The following LRCH3 variants were observed in gnomAD, a reference collection of about 807,000 sequenced individuals.
LRCH3 encodes leucine rich repeats and calponin homology domain containing 3.
A neutral mutation model predicts 104.5 loss-of-function variants in LRCH3; 68 were observed. The observed-to-expected ratio is 0.65, with a 90% CI of 0.54 to 0.80. The LOEUF (loss-of-function observed/expected upper bound fraction) is 0.80. Ranked by LOEUF, LRCH3 falls within the 30% of genes least tolerant of loss-of-function variation. The pLI, the probability that LRCH3 is intolerant of heterozygous loss-of-function variation, is 0.00. For missense variants in LRCH3, 951 were observed against 953.9 expected (o/e 1.00, Z 0.04); for synonymous variants, 344 against 361.3 (o/e 0.95, Z 0.54).
chr3:197,812,719 G>A (rs1257112939), intron 1 of LRCH3, among the ~76,000 whole-genome samples: 3 of 151,780 alleles, frequency 2.0e-5, no homozygotes, highest in African/African-American at 7.3e-5. Context: ...ATGCCACCAC[G>A]CCTGGCTAAT....
intron 19 of LRCH3, chr3:197,871,671 CA>C: frequency 1.8e-6 from 1 of 561,684 alleles, no homozygotes; most frequent in Admixed American, 3.3e-5. Flanking sequence ...AAGGCATGTA[CA>C]GTGTGTGTTA....
chr3:197,853,549 A>G (rs1739905039), intron 13 of LRCH3, among the ~76,000 whole-genome samples: 1 of 152,214 alleles, frequency 6.6e-6, no homozygotes, highest in South Asian at 2.1e-4. Flanking sequence ...GCGTTGTTTC[A>G]TGTGAATTTT....
intron 6 of LRCH3, 36 bp from the exon 7 acceptor site, chr3:197,830,727 TTAAAATA>T (rs1735816672): frequency 6.6e-7 from 1 of 1,510,084 alleles, no homozygotes; most frequent in African/African-American, 1.4e-5. Flanking sequence ...ATTTTAATTG[TTAAAATA>T]ACAAACTTTG....
chr3:197,794,878 G>A (rs1248715402), intron 1 of LRCH3, among the ~76,000 whole-genome samples: 1 of 151,898 alleles, frequency 6.6e-6, no homozygotes. Flanking sequence ...AATGGCGGGT[G>A]CCTGTAATCC....
At chr3:197,843,928 C>T (rs1738205984) in intron 10 of LRCH3, among the ~76,000 whole-genome samples, 1 of 151,894 alleles carries the variant, frequency 6.6e-6, no homozygotes, top group Non-Finnish European at 1.5e-5. Context: ...TGGATGTAGA[C>T]AAATATATGT....
rs745713796 is a variant in LRCH3 at position 197,826,947 on chromosome 3, A to G, written c.710A>G (p.Tyr237Cys). Residue 237 changes from tyrosine to cysteine, a missense_variant, in exon 5 of 21, where the codon TAT (tyrosine) becomes TGT (cysteine). Tyr to Cys is a radical substitution (Grantham distance 194). Transcript: ENST00000425562. Reference protein sequence around the residue: ...CNKITTIPVCYRNLRHLQTIT... With the variant: ...CNKITTIPVCCRNLRHLQTIT... ...AAAATTACCACAATCCCTGTTTGTTATCGGAACCTCAGGCACCTACAGACG... is the reference window on the plus strand; with the variant it reads ...AAAATTACCACAATCCCTGTTTGTTGTCGGAACCTCAGGCACCTACAGACG... 6 of 1,613,960 alleles carry G rather than the reference A, an allele frequency of 3.7e-6. No homozygotes were observed. The highest frequency in any genetic ancestry group is 5.1e-6 in the Non-Finnish European group (6 of 1,180,028).
chr3:197,879,442 C>T (rs535676040), intron 20 of LRCH3, among the ~76,000 whole-genome samples: 33 of 151,298 alleles, frequency 2.2e-4, no homozygotes, highest in East Asian at 5.8e-4. Flanking sequence ...GTCAGGAGAT[C>T]GAGACCATCC....
chr3:197,842,980 G>C (rs920870463), intron 10 of LRCH3, among the ~76,000 whole-genome samples: 2 of 151,854 alleles, frequency 1.3e-5, no homozygotes, highest in Non-Finnish European at 2.9e-5. Context: ...AGCTACTTGG[G>C]AGGCTGCGGC....
intron 1 of LRCH3, among the ~76,000 whole-genome samples, chr3:197,802,339 T>C (rs1188336216): frequency 6.6e-6 from 1 of 152,200 alleles, no homozygotes; most frequent in African/African-American, 2.4e-5. Flanking sequence ...AATTTATGAG[T>C]AGAAATTTGT....
intron 1 of LRCH3, among the ~76,000 whole-genome samples, chr3:197,804,044 G>A (rs926178798): frequency 1.3e-5 from 2 of 152,152 alleles, no homozygotes; most frequent in Admixed American, 1.3e-4. Context: ...GATCACTTGA[G>A]GTCAGGAGTT....
At chr3:197,793,139 A>G (rs767530510) in intron 1 of LRCH3, among the ~76,000 whole-genome samples, 3 of 152,166 alleles carry the variant, frequency 2.0e-5, no homozygotes, top group Non-Finnish European at 2.9e-5. Flanking sequence ...CACATTTTCT[A>G]TGCTTTGCAG....
intron 20 of LRCH3, chr3:197,881,296 A>C: frequency 1.0e-6 from 1 of 989,884 alleles, no homozygotes; most frequent in Non-Finnish European, 1.2e-6. Context: ...TGGACGTTTC[A>C]AAGGTATTGG....
At chr3:197,868,378 G>T (rs1711596606) in intron 17 of LRCH3, among the ~76,000 whole-genome samples, 1 of 152,188 alleles carries the variant, frequency 6.6e-6, no homozygotes, top group Non-Finnish European at 1.5e-5. Context: ...TAGTTTGTAT[G>T]CAAATAATAC....
At chr3:197,851,632 CTGTGTGTGATA>C (rs904645384) in intron 12 of LRCH3, among the ~76,000 whole-genome samples, 27 of 152,222 alleles carry the variant, frequency 1.8e-4, no homozygotes, top group African/African-American at 6.5e-4. Context: ...TAGGTTCCTC[CTGTGTGTGATA>C]TTTAACTATT....
intron 14 of LRCH3, among the ~76,000 whole-genome samples, chr3:197,858,500 C>T (rs1740530525): frequency 6.6e-6 from 1 of 152,002 alleles, no homozygotes; most frequent in African/African-American, 2.4e-5. Context: ...ATCGTAGGAA[C>T]AGGACTCACT....
chr3:197,858,865 C>T lies in LRCH3; in HGVS notation c.1676C>T (p.Ala559Val). Reference sequence around the variant, plus strand: ...TCAGGGTTGAATCAAGTGGGCTGTGCTGCTACCCTGCCTCATTCTTCTGCC... The same window carrying T: ...TCAGGGTTGAATCAAGTGGGCTGTGTTGCTACCCTGCCTCATTCTTCTGCC... ...SLSGLNQVGC[A>V]ATLPHSSAFT... is the part of the protein sequence containing the mutation. The change falls in exon 15 of 21, where the codon GCT (alanine) becomes GTT (valine). Residue 559 changes from alanine (A) to valine (V), a missense_variant. Physicochemically the swap from Ala to Val is moderately conservative, Grantham distance 64. Transcript: ENST00000425562. 1 of 1,613,876 alleles carries T rather than the reference C, an allele frequency of 6.2e-7. No individual in the cohort carries two copies. The highest frequency in any genetic ancestry group is 8.5e-7 in the Non-Finnish European group (1 of 1,179,794).
chr3:197,872,174 T>C (rs929965684), intron 19 of LRCH3, among the ~76,000 whole-genome samples: 1 of 151,674 alleles, frequency 6.6e-6, no homozygotes, highest in Non-Finnish European at 1.5e-5. Context: ...CAGGACAATA[T>C]GGCAAAACCC....
intron 1 of LRCH3, among the ~76,000 whole-genome samples, chr3:197,795,003 T>TA (rs1222363311): frequency 1.1e-3 from 164 of 146,314 alleles, no homozygotes; most frequent in African/African-American, 3.5e-3. Flanking sequence ...AGTGCTGTCT[T>TA]AAAAAAAAAA....
At chr3:197,865,394 A>G (rs1741364364) in intron 15 of LRCH3, 29 bp from the exon 16 acceptor site, 3 of 1,458,366 alleles carry the variant, frequency 2.1e-6, no homozygotes, top group Non-Finnish European at 2.8e-6. Flanking sequence ...TTGAATAACA[A>G]TTATTGATAT....
Sources: gnomAD v4.1 joint callset for allele counts (sites outside exome capture counted in the v4.1 genomes callset) on GRCh38, gnomAD v4.1.1 for gene constraint, MANE v1.5 for transcripts, NCBI Gene and HGNC (gene_info 2026-07-23, HGNC 2026-07-21) for gene names.